CFDP1: variants seen among roughly 807,000 people sequenced by gnomAD.
CFDP1 encodes chromatin remodeling protein CFDP1.
CFDP1 carries 31 observed loss-of-function variants against 40.1 expected under a neutral mutation model. The ratio of observed to expected loss-of-function variants is 0.77; its 90% CI spans 0.58 to 1.04. The LOEUF (loss-of-function observed/expected upper bound fraction) is 1.04, where lower values mean the gene tolerates loss of function less well. Among genes scored for constraint, CFDP1 ranks in the 50% least tolerant of loss-of-function variants. The pLI, the probability that CFDP1 is intolerant of heterozygous loss-of-function variation, is 0.00. For synonymous variants in CFDP1, 167 were observed against 120.0 expected (o/e 1.39, Z -2.56); for missense variants, 423 against 343.4 (o/e 1.23, Z -1.83).
In CFDP1 at chr16:75,414,625, T is replaced by G; in HGVS notation, c.135A>C (p.Thr45=). 2 of 1,614,038 alleles carry G rather than the reference T, an allele frequency of 1.2e-6. No homozygotes were observed. The highest frequency in any genetic ancestry group is 2.2e-5 in the South Asian group (2 of 91,072). Residue 45 remains threonine (T), a synonymous_variant, in exon 2 of 7, where the codon ACA becomes ACC. Transcript: ENST00000283882. ...KEDEVDGEEQ[T]QKTQGKKRKA... ...TTCTTTTTTTCCCTTGGGTTTTCTG[T>G]GTCTGCTCTTCACCATCCACTTCAT... is the stretch of plus-strand genomic sequence containing the variant.
At chr16:75,382,022 G>A (rs2078856681) in intron 5 of CFDP1, among the ~76,000 whole-genome samples, 1 of 151,908 alleles carries the variant, frequency 6.6e-6, no homozygotes, top group Non-Finnish European at 1.5e-5. Context: ...AGGCTGAGGT[G>A]GGAAGATCAC....
At chr16:75,331,368 C>T (rs536357607) in intron 5 of CFDP1, among the ~76,000 whole-genome samples, 13 of 152,178 alleles carry the variant, frequency 8.5e-5, no homozygotes, top group South Asian at 2.1e-4. Context: ...CCTCTCACCT[C>T]GGCCTCCCAA....
intron 5 of CFDP1, among the ~76,000 whole-genome samples, chr16:75,339,988 G>C (rs1477969187): frequency 6.6e-6 from 1 of 152,100 alleles, no homozygotes; most frequent in South Asian, 2.1e-4. Flanking sequence ...TACTTTTTAT[G>C]ATTTTTCTGG....
chr16:75,302,810 C>G (rs143236969), intron 6 of CFDP1, among the ~76,000 whole-genome samples: 14 of 152,334 alleles, frequency 9.2e-5, no homozygotes, highest in African/African-American at 3.4e-4. Context: ...TTCCCCTGAT[C>G]ACTCTGGCCC....
chr16:75,333,964 C>G (rs1401127719), intron 5 of CFDP1, among the ~76,000 whole-genome samples: 1 of 152,112 alleles, frequency 6.6e-6, no homozygotes, highest in Non-Finnish European at 1.5e-5. Context: ...CTGGGCTGCC[C>G]CCACCCTGGA....
intron 1 of CFDP1, among the ~76,000 whole-genome samples, chr16:75,430,977 A>C (rs1348363471): frequency 6.6e-6 from 1 of 152,162 alleles, no homozygotes; most frequent in Non-Finnish European, 1.5e-5. Context: ...GTCCATTCAG[A>C]TGGTTGGGGG....
At chr16:75,350,831 C>A (rs528405339) in intron 5 of CFDP1, among the ~76,000 whole-genome samples, 1 of 151,894 alleles carries the variant, frequency 6.6e-6, no homozygotes, top group Non-Finnish European at 1.5e-5. Flanking sequence ...ATCCAAGATA[C>A]GCAAGATAAA....
chr16:75,339,998 G>A (rs931289826), intron 5 of CFDP1, among the ~76,000 whole-genome samples: 1 of 152,164 alleles, frequency 6.6e-6, no homozygotes, highest in South Asian at 2.1e-4. Flanking sequence ...GATTTTTCTG[G>A]TTTTGTTTAT....
At chr16:75,310,269 A>G (rs764983501) in intron 5 of CFDP1, among the ~76,000 whole-genome samples, 15 of 152,316 alleles carry the variant, frequency 9.8e-5, no homozygotes, top group Non-Finnish European at 2.2e-4. Flanking sequence ...CATACTGGTG[A>G]AAGAGACACT....
intron 5 of CFDP1, among the ~76,000 whole-genome samples, chr16:75,348,468 A>T (rs971017373): frequency 1.3e-5 from 2 of 152,248 alleles, no homozygotes; most frequent in African/African-American, 4.8e-5. Context: ...ATCAACTTTA[A>T]GCCCAAAGCC....
intron 5 of CFDP1, among the ~76,000 whole-genome samples, chr16:75,355,301 T>C (rs2078638449): frequency 6.6e-6 from 1 of 152,184 alleles, no homozygotes. Context: ...TCATGAAAGA[T>C]TTCTGTAGCA....
chr16:75,389,526 A>T (rs1206609408), intron 5 of CFDP1, among the ~76,000 whole-genome samples: 2 of 152,186 alleles, frequency 1.3e-5, no homozygotes, highest in African/African-American at 4.8e-5. Flanking sequence ...ATCTGTGCTT[A>T]TCTTATCAAA....
chr16:75,316,728 G>C lies in CFDP1; in HGVS notation c.651-11546C>G, dbSNP rs187276808. On this transcript the variant is annotated intron_variant, in intron 5 of 6. Coordinates refer to ENST00000283882, the MANE Select transcript of CFDP1 (RefSeq NM_006324.3). Reference sequence around the variant, plus strand: ...CTCACGCCTGTAATCCTAGCACTTTGGGAGGCCAAGGCGGGCGGATCACCT... The same window carrying C: ...CTCACGCCTGTAATCCTAGCACTTTCGGAGGCCAAGGCGGGCGGATCACCT... 3.2e-4 allele frequency among the ~76,000 whole-genome samples: 49 copies of C among 152,300 alleles called. No homozygotes were observed. In the East Asian group the frequency reaches 8.9e-3, roughly 28 times the overall value.
chr16:75,393,646 G>A (rs2078970830), intron 5 of CFDP1, among the ~76,000 whole-genome samples: 1 of 148,898 alleles, frequency 6.7e-6, no homozygotes, highest in Non-Finnish European at 1.5e-5. Flanking sequence ...CAGGAGAAGG[G>A]CGTGAACCCG....
chr16:75,318,789 T>TA (rs891819703), intron 5 of CFDP1, among the ~76,000 whole-genome samples: 7 of 152,176 alleles, frequency 4.6e-5, no homozygotes, highest in Non-Finnish European at 7.3e-5. Flanking sequence ...TGTCTCTTCA[T>TA]AAAAAAATCT....
At chr16:75,397,177 G>A (rs1417950251) in intron 4 of CFDP1, among the ~76,000 whole-genome samples, 1 of 151,620 alleles carries the variant, frequency 6.6e-6, no homozygotes, top group Non-Finnish European at 1.5e-5. Context: ...GCCTCCCAAA[G>A]TGCTGGGATT....
At chr16:75,385,918 C>T (rs2078894101) in intron 5 of CFDP1, among the ~76,000 whole-genome samples, 1 of 152,182 alleles carries the variant, frequency 6.6e-6, no homozygotes, top group Non-Finnish European at 1.5e-5. Context: ...CATAACTTCA[C>T]ATACCTATTC....
chr16:75,389,984 T>A (rs1013816874), intron 5 of CFDP1, among the ~76,000 whole-genome samples: 1 of 152,216 alleles, frequency 6.6e-6, no homozygotes, highest in African/African-American at 2.4e-5. Flanking sequence ...GTATCATAAT[T>A]AAACACGTAC....
chr16:75,427,407 T>C (rs979655584), intron 1 of CFDP1, among the ~76,000 whole-genome samples: 1 of 151,960 alleles, frequency 6.6e-6, no homozygotes, highest in Non-Finnish European at 1.5e-5. Flanking sequence ...TGCACCACCA[T>C]GCCCGGCTAA....
Sources: allele counts gnomAD v4.1 joint callset (sites outside exome capture counted in the v4.1 genomes callset), GRCh38; gene constraint gnomAD v4.1.1; transcripts MANE v1.5; gene names NCBI Gene and HGNC (gene_info 2026-07-23, HGNC 2026-07-21).